Variants in PCDH15 observed in about 807,000 individuals in gnomAD.
The protein encoded by PCDH15 is protocadherin related 15, also known as protocadherin-15.
Under a neutral mutation model 178.5 loss-of-function variants are expected in PCDH15, and 129 were observed. The ratio of observed to expected loss-of-function variants is 0.72; its 90% CI spans 0.63 to 0.84. PCDH15 has a LOEUF of 0.84. PCDH15 is among the 40% of genes least tolerant of loss of function. The pLI, the probability that PCDH15 is intolerant of heterozygous loss-of-function variation, is 0.00. For missense variants in PCDH15, 2,230 were observed against 2,099.9 expected, an observed-to-expected ratio of 1.06 and a Z score of -1.21; for synonymous variants, 800 against 732.0, an observed-to-expected ratio of 1.09 and a Z score of -1.50.
At chr10:53,905,471 C>A (rs1213511172) in intron 25 of PCDH15, among the ~76,000 whole-genome samples, 1 of 152,118 alleles carries the variant, frequency 6.6e-6, no homozygotes, top group African/African-American at 2.4e-5. Flanking sequence ...ATGGCTGTGA[C>A]TACAGGCATG....
At chr10:53,995,343 T>A (rs1433281907) in intron 21 of PCDH15, 17 of 404,804 alleles carry the variant, frequency 4.2e-5, no homozygotes, top group South Asian at 2.6e-5. Context: ...TTAAAACATA[T>A]CCAGATTAAG....
intron 15 of PCDH15, among the ~76,000 whole-genome samples, chr10:54,094,503 A>G (rs2094662058): frequency 6.6e-6 from 1 of 152,222 alleles, no homozygotes; most frequent in East Asian, 1.9e-4. Context: ...GCAAGTGATA[A>G]AGGCCGTGAG....
rs1395687481 is a variant in PCDH15 at position 53,804,326 on chromosome 10, T to C, written c.*2253A>G. 1 of 152,012 alleles carries C rather than the reference T, an allele frequency of 6.6e-6. No individual in the cohort carries two copies. The highest frequency in any genetic ancestry group is 1.5e-5 in the Non-Finnish European group (1 of 67,924). The allele number at this position is 152,012 out of a possible 1,614,324, so 9.4% of individuals were successfully genotyped here. A position where few individuals can be genotyped will look rare whatever the true frequency, so the allele number is the denominator to read the frequency against. ...TAGTTTAAAATACAGTGACATCTCA[T>C]ATGTCAGGCCACTAGACTTCTGCCA... is the stretch of plus-strand genomic sequence containing the variant. On this transcript the variant is annotated 3_prime_UTR_variant, in exon 38 of 38. Transcript: ENST00000644397.
rs143133289 is a variant in PCDH15, at chr10:54,491,239, G to C, written c.157+36573C>G. The stretch of plus-strand genomic sequence containing the variant: ...TTTTAAATGTTATTGTGTGTTACAT[G>C]CAAGTCTCTTCTCATATTTTAAATT... On this transcript the variant is annotated intron_variant, in intron 3 of 37. Coordinates refer to ENST00000644397, the MANE Select transcript of PCDH15 (RefSeq NM_001384140.1). Among the ~76,000 whole-genome samples the C allele has an allele frequency of 3.3e-3, 496 of 150,280 alleles. 3 individuals are homozygous for C. Among genetic ancestry groups the C allele is most frequent in the African/African-American group, 0.011 (468 of 40,804 alleles).
intron 8 of PCDH15, among the ~76,000 whole-genome samples, chr10:54,296,144 CAA>C (rs59721161): frequency 0.035 from 1,682 of 48,108 alleles, 16 homozygotes; most frequent in African/African-American, 0.063. Flanking sequence ...GACTCCGTCT[CAA>C]AAAAAAAAAA....
intron 2 of PCDH15, among the ~76,000 whole-genome samples, chr10:55,045,225 C>T (rs1250833138): frequency 6.6e-6 from 1 of 151,992 alleles, no homozygotes; most frequent in Non-Finnish European, 1.5e-5. Flanking sequence ...CTTTACATTT[C>T]CTTTGTACCC....
intron 3 of PCDH15, among the ~76,000 whole-genome samples, chr10:54,381,827 T>A (rs1020927512): frequency 6.6e-6 from 1 of 152,040 alleles, no homozygotes; most frequent in African/African-American, 2.4e-5. Flanking sequence ...AGTTTGATAC[T>A]CATATAATAG....
chr10:54,194,747 T>TAA (rs1043054021), intron 11 of PCDH15, among the ~76,000 whole-genome samples: 2 of 151,810 alleles, frequency 1.3e-5, no homozygotes, highest in African/African-American at 4.8e-5. Context: ...TATCTATATA[T>TAA]ATACACAAAA....
chr10:55,345,492 T>C lies in PCDH15; in HGVS notation c.-155-178841A>G, dbSNP rs140291640. Reference sequence around the variant, plus strand: ...AAAGCCCTAAGCCAGAGTTGAACTATGGCAATTCCTCCACCCTCTTGTCGG... The same window carrying C: ...AAAGCCCTAAGCCAGAGTTGAACTACGGCAATTCCTCCACCCTCTTGTCGG... On this transcript the variant is annotated intron_variant, in intron 2 of 5. Transcript: ENST00000613346. Among the ~76,000 whole-genome samples the C allele has an allele frequency of 3.3e-3, 509 of 152,214 alleles. 9 individuals are homozygous for C. Among genetic ancestry groups the C allele is most frequent in the Admixed American group, 0.024 (370 of 15,244 alleles).
intron 2 of PCDH15, among the ~76,000 whole-genome samples, chr10:55,602,108 G>A (rs1244251598): frequency 6.6e-6 from 1 of 152,108 alleles, no homozygotes; most frequent in Non-Finnish European, 1.5e-5. Flanking sequence ...CCCTTTCCTA[G>A]TCAAGGAAAG....
intron 2 of PCDH15, among the ~76,000 whole-genome samples, chr10:54,934,972 C>T (rs568798355): frequency 1.4e-4 from 21 of 151,686 alleles, no homozygotes; most frequent in Non-Finnish European, 2.5e-4. Flanking sequence ...AGTAAACTAT[C>T]GCAAGGACAA....
At chr10:54,939,816 A>AG (rs1313527089) in intron 2 of PCDH15, among the ~76,000 whole-genome samples, 1 of 152,132 alleles carries the variant, frequency 6.6e-6, no homozygotes, top group Non-Finnish European at 1.5e-5. Context: ...AGATGGTGCA[A>AG]GGGGCAAAAC....
intron 2 of PCDH15, among the ~76,000 whole-genome samples, chr10:55,071,791 T>C (rs1185980666): frequency 3.3e-5 from 5 of 152,044 alleles, no homozygotes; most frequent in African/African-American, 9.7e-5. Flanking sequence ...CAAGAGAATA[T>C]ACATTTTTTT....
At position 54,351,935 on chromosome 10, in the gene PCDH15, G is replaced by A. The variant is rs529288828; in HGVS notation, c.475-5451C>T. ...GCAAGTAGAATAACCTTATATTCACGAAACCGATGGTATGCTGTTCACTTG... is the reference window on the plus strand; with the variant it reads ...GCAAGTAGAATAACCTTATATTCACAAAACCGATGGTATGCTGTTCACTTG... On this transcript the variant is annotated intron_variant, in intron 5 of 37. Coordinates refer to ENST00000644397, the MANE Select transcript of PCDH15 (RefSeq NM_001384140.1). Among the ~76,000 whole-genome samples, 19 of 152,190 alleles carry A rather than the reference G, an allele frequency of 1.2e-4. No individual in the cohort carries two copies. In the South Asian group the frequency reaches 1.7e-3, roughly 13 times the overall value.
chr10:54,899,934 T>TA (rs35510456), intron 2 of PCDH15, among the ~76,000 whole-genome samples: 109,435 of 150,780 alleles, frequency 0.73, 40,118 homozygotes, highest in East Asian at 0.89. Flanking sequence ...TAAAGTGCTT[T>TA]AAAAAAAAAG....
intron 8 of PCDH15, among the ~76,000 whole-genome samples, chr10:54,290,777 C>A (rs1351363266): frequency 6.6e-6 from 1 of 152,064 alleles, no homozygotes; most frequent in African/African-American, 2.4e-5. Context: ...TTTAAACCAA[C>A]AAAGATCAGA....
intron 2 of PCDH15, among the ~76,000 whole-genome samples, chr10:55,340,031 T>C (rs1844508173): frequency 1.3e-5 from 2 of 151,662 alleles, no homozygotes; most frequent in Non-Finnish European, 2.9e-5. Flanking sequence ...TATACAAAAG[T>C]AACTCTCATT....
At chr10:53,916,910 T>C (rs1036163784) in intron 25 of PCDH15, among the ~76,000 whole-genome samples, 1 of 147,542 alleles carries the variant, frequency 6.8e-6, no homozygotes, top group Middle Eastern at 3.2e-3. Flanking sequence ...GGAGAAAATA[T>C]TAGTAACATT....
intron 6 of PCDH15, among the ~76,000 whole-genome samples, chr10:54,339,375 T>A (rs1941810125): frequency 6.6e-6 from 1 of 150,908 alleles, no homozygotes; most frequent in African/African-American, 2.4e-5. Context: ...AAAAAAAAAA[T>A]CAGCAGTATT....
Sources: gnomAD v4.1 joint callset for allele counts (sites outside exome capture counted in the v4.1 genomes callset) on GRCh38, gnomAD v4.1.1 for gene constraint, MANE v1.5 for transcripts, NCBI Gene and HGNC (gene_info 2026-07-23, HGNC 2026-07-21) for gene names.